KIF1B: variants seen among roughly 807,000 people sequenced by gnomAD.
KIF1B encodes the protein kinesin-like protein KIF1B.
A neutral mutation model predicts 241.9 loss-of-function variants in KIF1B; 76 were observed. That is an observed-to-expected ratio of 0.31 (90% CI 0.26 to 0.38). KIF1B has a LOEUF of 0.38. KIF1B is among the 10% of genes least tolerant of loss of function. KIF1B has a pLI of 1.00. For synonymous variants in KIF1B, 750 were observed against 796.7 expected (o/e 0.94, Z 0.99); for missense variants, 1,622 against 2,271.4 (o/e 0.71, Z 5.81).
At position 10,291,105 on chromosome 1, in the gene KIF1B, G is replaced by A; in HGVS notation, c.1458G>A (p.Glu486=). The part of the protein sequence containing the change: ...RLKESEKIIA[E]LNETWEEKLR... ...AGGAATCAGAGAAGATCATTGCTGA[G>A]TTGAATGAAACTTGGGAAGAGAAGC... Residue 486 remains glutamate (E), a synonymous_variant, in exon 16 of 49, where the codon GAG becomes GAA. Coordinates refer to ENST00000676179, the MANE Select transcript of KIF1B (RefSeq NM_001365951.3). 5 of 1,613,532 alleles carry A rather than the reference G, an allele frequency of 3.1e-6. No individual in the cohort carries two copies. The highest frequency in any genetic ancestry group is 4.2e-6 in the Non-Finnish European group (5 of 1,179,652).
At chr1:10,334,295 G>A (rs1181048093) in intron 27 of KIF1B, among the ~76,000 whole-genome samples, 3 of 152,112 alleles carry the variant, frequency 2.0e-5, no homozygotes, top group Non-Finnish European at 4.4e-5. Flanking sequence ...AGCATGATTT[G>A]GTGTGTGTTG....
chr1:10,334,067 C>A (rs1279831548), intron 27 of KIF1B, among the ~76,000 whole-genome samples: 2 of 146,370 alleles, frequency 1.4e-5, no homozygotes, highest in African/African-American at 5.1e-5. Flanking sequence ...AGGAGAATCA[C>A]TTGAACCCGG....
At chr1:10,252,467 G>A (rs1270061382) in intron 2 of KIF1B, among the ~76,000 whole-genome samples, 5 of 152,016 alleles carry the variant, frequency 3.3e-5, no homozygotes, top group Non-Finnish European at 7.4e-5. Context: ...ATGGAGTGCA[G>A]TGGCACAATC....
At chr1:10,298,284 C>T (rs1208048595) in intron 22 of KIF1B, among the ~76,000 whole-genome samples, 2 of 152,190 alleles carry the variant, frequency 1.3e-5, no homozygotes, top group African/African-American at 4.8e-5. Context: ...ATGTAAACTA[C>T]AGCCTTCTAG....
At chr1:10,215,362 G>T (rs1167146963) in intron 1 of KIF1B, among the ~76,000 whole-genome samples, 1 of 150,990 alleles carries the variant, frequency 6.6e-6, no homozygotes, top group Non-Finnish European at 1.5e-5. Context: ...TTTTAGTAAA[G>T]TAGGGGTTTC....
chr1:10,304,349 A>G lies in KIF1B; in HGVS notation c.2115+7103A>G, dbSNP rs756513840. On this transcript the variant is annotated intron_variant, in intron 22 of 48. Coordinates refer to ENST00000676179, the MANE Select transcript of KIF1B (RefSeq NM_001365951.3). Reference sequence around the variant, plus strand: ...CTACGTTGGAGAAGCAATTCTCTCAATAATGGCCAGCCGAAAAGTACGCGC... The same window carrying G: ...CTACGTTGGAGAAGCAATTCTCTCAGTAATGGCCAGCCGAAAAGTACGCGC... 1.2e-5 allele frequency: 20 copies of G among 1,614,128 alleles called. No individual in the cohort carries two copies. The highest frequency in any genetic ancestry group is 1.2e-4 in the South Asian group (11 of 91,088).
chr1:10,332,484 G>A (rs2102309421), intron 27 of KIF1B, among the ~76,000 whole-genome samples: 1 of 143,348 alleles, frequency 7.0e-6, no homozygotes, highest in South Asian at 2.2e-4. Flanking sequence ...CAGTCACCCT[G>A]CCTGAAGATA....
At chr1:10,285,891 A>G (rs1259927733) in intron 15 of KIF1B, among the ~76,000 whole-genome samples, 1 of 152,064 alleles carries the variant, frequency 6.6e-6, no homozygotes, top group Non-Finnish European at 1.5e-5. Flanking sequence ...AGGTTAGTTT[A>G]TTTTCCTAAC....
chr1:10,284,888 G>A (rs1023634542), intron 15 of KIF1B, among the ~76,000 whole-genome samples: 5 of 151,908 alleles, frequency 3.3e-5, no homozygotes, highest in African/African-American at 1.2e-4. Context: ...CAAAAATAAT[G>A]TGCTTGTTTC....
chr1:10,361,093 T>G (rs765191907), intron 39 of KIF1B, 50 bp downstream of exon 39: 3 of 1,191,792 alleles, frequency 2.5e-6, no homozygotes, highest in Non-Finnish European at 2.5e-6. Flanking sequence ...CCCTGAACAG[T>G]GTGCAGGTTA....
At position 10,339,867 on chromosome 1, in the gene KIF1B, A is replaced by G. The variant is rs767777842; in HGVS notation, c.3513+8A>G. The G allele has an allele frequency of 6.2e-7, 1 of 1,611,536 alleles. No homozygotes were observed. The highest frequency in any genetic ancestry group is 2.2e-5 in the East Asian group (1 of 44,890). ...TTTTATCATGTGCAGAATGTAAGTG[A>G]CATGGACCTTTTTGCCAAACATATG... On this transcript the variant is annotated splice_region_variant and intron_variant, in intron 32 of 48. Transcript: ENST00000676179.
chr1:10,306,351 C>CT, intron 22 of KIF1B: 1 of 1,047,090 alleles, frequency 9.6e-7, no homozygotes, highest in Non-Finnish European at 1.2e-6. Context: ...AAATCAGTCA[C>CT]TTCAATGCAT....
intron 31 of KIF1B, among the ~76,000 whole-genome samples, chr1:10,339,295 C>A (rs1227527026): frequency 6.6e-6 from 1 of 152,082 alleles, no homozygotes; most frequent in Non-Finnish European, 1.5e-5. Context: ...AATGTGGGAA[C>A]ACAAAGCTGC....
chr1:10,220,716 G>A (rs6702280), intron 1 of KIF1B, among the ~76,000 whole-genome samples: 19,718 of 152,036 alleles, frequency 0.13, 1,411 homozygotes, highest in South Asian at 0.18. Flanking sequence ...AGGCTGTAGC[G>A]CAATGGTATC....
chr1:10,346,784 A>T (rs542534865), intron 35 of KIF1B, among the ~76,000 whole-genome samples: 2 of 152,382 alleles, frequency 1.3e-5, no homozygotes, highest in East Asian at 3.9e-4. Flanking sequence ...ATAGAAGGGC[A>T]GAATATTTTC....
At chr1:10,313,372 C>A (rs1024437303) in intron 22 of KIF1B, among the ~76,000 whole-genome samples, 3 of 150,420 alleles carry the variant, frequency 2.0e-5, no homozygotes, top group African/African-American at 7.4e-5. Flanking sequence ...TAGCCTAGTA[C>A]CATCTTTATA....
chr1:10,344,522 T>C (rs1652519630), intron 34 of KIF1B, among the ~76,000 whole-genome samples: 2 of 152,200 alleles, frequency 1.3e-5, no homozygotes, highest in Admixed American at 1.3e-4. Flanking sequence ...GCCTTTGCAT[T>C]TGTTTTTATG....
intron 5 of KIF1B, among the ~76,000 whole-genome samples, chr1:10,263,277 A>G (rs1648250785): frequency 6.7e-6 from 1 of 150,308 alleles, no homozygotes; most frequent in African/African-American, 2.5e-5. Context: ...TCTCAAAAAA[A>G]AAATAATAAT....
At chr1:10,277,838 G>A (rs1557683357) in intron 12 of KIF1B, 148 bp from the exon 13 acceptor site, 1 of 682,192 alleles carries the variant, frequency 1.5e-6, no homozygotes, top group South Asian at 1.9e-5. Flanking sequence ...TCTTTAATAG[G>A]TACTATAAAG....
Sources: gnomAD v4.1 joint callset for allele counts (sites outside exome capture counted in the v4.1 genomes callset) on GRCh38, gnomAD v4.1.1 for gene constraint, MANE v1.5 for transcripts, NCBI Gene and HGNC (gene_info 2026-07-23, HGNC 2026-07-21) for gene names.